SUGCT: variants seen among roughly 807,000 people sequenced by gnomAD.
The protein encoded by SUGCT is succinyl-CoA:glutarate CoA-transferase.
In SUGCT, 41 loss-of-function variants were observed where a neutral mutation model predicts 55.0. The observed-to-expected ratio is 0.74, with a 90% CI of 0.58 to 0.97. SUGCT has a LOEUF of 0.97. SUGCT is among the 50% of genes least tolerant of loss of function. SUGCT has a pLI of 0.00. For missense variants in SUGCT, 568 were observed against 547.8 expected, an observed-to-expected ratio of 1.04 and a Z score of -0.37; for synonymous variants, 187 against 200.4, an observed-to-expected ratio of 0.93 and a Z score of 0.56.
intron 12 of SUGCT, among the ~76,000 whole-genome samples, chr7:40,548,182 C>CTTT (rs1165427905): frequency 8.4e-6 from 1 of 119,020 alleles, no homozygotes; most frequent in African/African-American, 3.3e-5. Flanking sequence ...TCTTTTCTTT[C>CTTT]TTTCTTTTTT....
intron 12 of SUGCT, among the ~76,000 whole-genome samples, chr7:40,595,469 G>A (rs576867229): frequency 1.3e-5 from 2 of 152,224 alleles, no homozygotes; most frequent in East Asian, 1.9e-4. Flanking sequence ...TAATTGACAC[G>A]TTGTCATTGA....
intron 12 of SUGCT, among the ~76,000 whole-genome samples, chr7:40,660,148 T>C (rs1007597044): frequency 6.6e-6 from 1 of 152,218 alleles, no homozygotes; most frequent in African/African-American, 2.4e-5. Flanking sequence ...AGGATTGCTC[T>C]ATATAGTCAT....
chr7:40,557,588 C>T (rs1173346926), intron 12 of SUGCT, among the ~76,000 whole-genome samples: 1 of 151,990 alleles, frequency 6.6e-6, no homozygotes, highest in African/African-American at 2.4e-5. Flanking sequence ...CCCTGGCCAA[C>T]GTAGTGAAAC....
intron 11 of SUGCT, among the ~76,000 whole-genome samples, chr7:40,479,391 G>A (rs919044638): frequency 4.6e-5 from 7 of 152,100 alleles, no homozygotes; most frequent in Non-Finnish European, 8.8e-5. Flanking sequence ...TGCTGTACAG[G>A]TTTGTAGCCT....
At chr7:40,428,762 G>A (rs1240738423) in intron 9 of SUGCT, among the ~76,000 whole-genome samples, 2 of 151,952 alleles carry the variant, frequency 1.3e-5, no homozygotes, top group East Asian at 1.9e-4. Flanking sequence ...GCATTAAAAG[G>A]TTTACATACC....
At chr7:40,513,086 AGTCCCATG>A (rs1260418251) in intron 12 of SUGCT, among the ~76,000 whole-genome samples, 3 of 152,172 alleles carry the variant, frequency 2.0e-5, no homozygotes, top group Non-Finnish European at 4.4e-5. Context: ...AGGGGAGATC[AGTCCCATG>A]GTGGAGCTTT....
intron 8 of SUGCT, among the ~76,000 whole-genome samples, chr7:40,296,528 A>G (rs1048700479): frequency 8.6e-5 from 13 of 151,906 alleles, no homozygotes; most frequent in African/African-American, 3.1e-4. Flanking sequence ...GAATATTTTA[A>G]TTTCAATGCA....
intron 11 of SUGCT, among the ~76,000 whole-genome samples, chr7:40,484,442 A>G (rs1791223485): frequency 6.6e-6 from 1 of 152,178 alleles, no homozygotes. Flanking sequence ...AGTGCTCCCA[A>G]GTGGCCTTGG....
At position 40,198,106 on chromosome 7, in the gene SUGCT, G is replaced by A. The variant is rs560126967; in HGVS notation, c.484+3046G>A. On this transcript the variant is annotated intron_variant, in intron 6 of 13. Coordinates refer to ENST00000335693, the MANE Select transcript of SUGCT (RefSeq NM_001193313.2). ...ATTATGGAGGAATGAGAGGGTGATA[G>A]GCAGATATGTGTAGTCTGAAAACGT... Among the ~76,000 whole-genome samples, 13 of 152,222 alleles carry A rather than the reference G, an allele frequency of 8.5e-5. No individual in the cohort carries two copies. The South Asian group carries it at 1.9e-3, about 22-fold the overall frequency.
intron 7 of SUGCT, among the ~76,000 whole-genome samples, chr7:40,242,076 C>T (rs997468585): frequency 1.3e-5 from 2 of 152,080 alleles, no homozygotes; most frequent in Non-Finnish European, 2.9e-5. Flanking sequence ...ATTTTGAATT[C>T]CTACACTATG....
intron 8 of SUGCT, among the ~76,000 whole-genome samples, chr7:40,297,963 A>G (rs2151071181): frequency 1.3e-5 from 2 of 152,148 alleles, no homozygotes; most frequent in South Asian, 4.2e-4. Context: ...TGTTTTTTAA[A>G]CATAGCCTTT....
At chr7:40,437,028 A>G (rs1788215083) in intron 9 of SUGCT, among the ~76,000 whole-genome samples, 1 of 152,210 alleles carries the variant, frequency 6.6e-6, no homozygotes, top group African/African-American at 2.4e-5. Flanking sequence ...TTTTTGGCCT[A>G]TATTCCTCAG....
chr7:40,194,131 C>G (rs1245236894), intron 5 of SUGCT, among the ~76,000 whole-genome samples: 1 of 152,150 alleles, frequency 6.6e-6, no homozygotes, highest in Non-Finnish European at 1.5e-5. Flanking sequence ...TTCTTAAATA[C>G]ATTTAAAACT....
At chr7:40,765,898 T>C (rs1483573554) in intron 13 of SUGCT, among the ~76,000 whole-genome samples, 2 of 152,210 alleles carry the variant, frequency 1.3e-5, no homozygotes, top group Non-Finnish European at 2.9e-5. Flanking sequence ...ATATCAAGCA[T>C]CACCCTCTAA....
the SUGCT span, among the ~76,000 whole-genome samples, chr7:40,907,770 G>C: frequency 1.3e-5 from 2 of 152,166 alleles, no homozygotes; most frequent in Non-Finnish European, 2.9e-5. Flanking sequence ...ATGAGGCAAG[G>C]CCGTTGACAA....
intron 12 of SUGCT, among the ~76,000 whole-genome samples, chr7:40,501,121 G>T (rs1583843013): frequency 6.6e-6 from 1 of 152,226 alleles, no homozygotes; most frequent in East Asian, 1.9e-4. Context: ...AAAATAGTAG[G>T]TCTGGAAATA....
chr7:40,958,211 T>C, the SUGCT span, among the ~76,000 whole-genome samples: 1 of 152,160 alleles, frequency 6.6e-6, no homozygotes, highest in African/African-American at 2.4e-5. Flanking sequence ...TTGGCCTGTC[T>C]TGCTATGTTG....
chr7:40,988,718 C>T, the SUGCT span, among the ~76,000 whole-genome samples: 2 of 152,006 alleles, frequency 1.3e-5, no homozygotes, highest in Non-Finnish European at 2.9e-5. Flanking sequence ...TAAAGAACTC[C>T]CATAAACTTA....
chr7:40,848,139 G>T (rs1793672007), intron 13 of SUGCT, among the ~76,000 whole-genome samples: 1 of 151,284 alleles, frequency 6.6e-6, no homozygotes, highest in African/African-American at 2.4e-5. Context: ...ATCTTTCCAG[G>T]TGCAGAACAA....
Sources: allele counts gnomAD v4.1 joint callset (sites outside exome capture counted in the v4.1 genomes callset), GRCh38; gene constraint gnomAD v4.1.1; transcripts MANE v1.5; gene names NCBI Gene and HGNC (gene_info 2026-07-23, HGNC 2026-07-21).